Variants in TMEM266 observed in about 807,000 individuals in gnomAD.
The protein encoded by TMEM266 is transmembrane protein 266.
A neutral mutation model predicts 50.5 loss-of-function variants in TMEM266; 33 were observed. That is an observed-to-expected ratio of 0.65 (90% CI 0.50 to 0.87). TMEM266 has a LOEUF of 0.87. Among genes scored for constraint, TMEM266 ranks in the 40% least tolerant of loss-of-function variants. The pLI, the probability that TMEM266 is intolerant of heterozygous loss-of-function variation, is 0.00. For synonymous variants in TMEM266, 310 were observed against 292.3 expected, an observed-to-expected ratio of 1.06 and a Z score of -0.62; for missense variants, 655 against 695.1, an observed-to-expected ratio of 0.94 and a Z score of 0.65.
chr15:76,204,446 C>T lies in TMEM266; in HGVS notation c.*131C>T. 1.2e-6 allele frequency: 1 copy of T among 851,750 alleles called. No individual in the cohort carries two copies. The highest frequency in any genetic ancestry group is 2.1e-5 in the South Asian group (1 of 48,520). 52.8% of individuals were successfully genotyped at this position (851,750 alleles called of 1,614,324 possible). A position where few individuals can be genotyped will look rare whatever the true frequency, so the allele number is the denominator to read the frequency against. ...GCCTCCCTCAGGGTGCTGCCTGCCTCCAGGGAGGCGACGCCAGGCCAGGAG... is the reference window on the plus strand; with the variant it reads ...GCCTCCCTCAGGGTGCTGCCTGCCTTCAGGGAGGCGACGCCAGGCCAGGAG... On this transcript the variant is annotated 3_prime_UTR_variant, in exon 11 of 11. Coordinates refer to ENST00000388942, the MANE Select transcript of TMEM266 (RefSeq NM_152335.3).
At chr15:76,100,633 T>C (rs1009522018) in intron 1 of TMEM266, among the ~76,000 whole-genome samples, 1 of 152,246 alleles carries the variant, frequency 6.6e-6, no homozygotes, top group African/African-American at 2.4e-5. Flanking sequence ...TGCCAGACTG[T>C]ATCCATTTCA....
intron 9 of TMEM266, among the ~76,000 whole-genome samples, chr15:76,197,509 G>A (rs536622565): frequency 6.6e-6 from 1 of 152,190 alleles, no homozygotes; most frequent in African/African-American, 2.4e-5. Context: ...TATGTAGCTG[G>A]TCCTGTCTCA....
At chr15:76,073,792 A>G (rs1308094683) in intron 1 of TMEM266, among the ~76,000 whole-genome samples, 1 of 152,228 alleles carries the variant, frequency 6.6e-6, no homozygotes, top group Non-Finnish European at 1.5e-5. Context: ...AGAATTTTGC[A>G]AGAGCTTATT....
At chr15:76,102,992 A>T (rs960188387) in intron 1 of TMEM266, among the ~76,000 whole-genome samples, 1 of 152,068 alleles carries the variant, frequency 6.6e-6, no homozygotes, top group East Asian at 1.9e-4. Context: ...AAGCCATGGG[A>T]GGTGGTAAAC....
chr15:76,127,941 G>A (rs997446018), intron 1 of TMEM266, among the ~76,000 whole-genome samples: 5 of 152,160 alleles, frequency 3.3e-5, no homozygotes, highest in African/African-American at 9.6e-5. Flanking sequence ...TTTCATGGGC[G>A]GAGCCAGCAA....
Position 76,203,733 on chromosome 15 carries a change from C to T in TMEM266, c.1022-8C>T, listed in dbSNP as rs746517397. ...GAAGTGTGACCAAGATCCCCTCCTA[C>T]CTTGCAGACAGCGGTGTCCCAGAGC... On this transcript the variant is annotated splice_polypyrimidine_tract_variant and splice_region_variant and intron_variant, in intron 10 of 10. Transcript: ENST00000388942. The T allele has an allele frequency of 1.2e-6, 2 of 1,608,474 alleles. No homozygotes were observed. The highest frequency in any genetic ancestry group is 1.7e-6 in the Non-Finnish European group (2 of 1,176,020).
chr15:76,082,680 G>A (rs1346077908), intron 1 of TMEM266, among the ~76,000 whole-genome samples: 2 of 152,112 alleles, frequency 1.3e-5, no homozygotes, highest in Non-Finnish European at 2.9e-5. Flanking sequence ...TAAACAACCA[G>A]CTGTGTGGCT....
chr15:76,156,549 C>T (rs1450031732), intron 3 of TMEM266, 55 bp from the exon 4 acceptor site: 2 of 1,586,894 alleles, frequency 1.3e-6, no homozygotes, highest in East Asian at 2.2e-5. Flanking sequence ...CCGGGGTCCA[C>T]CCTCTTGTCC....
In TMEM266 at chr15:76,161,288, G is replaced by C. The variant is rs1006805301; in HGVS notation, c.456+1120G>C. Among the ~76,000 whole-genome samples, 2 of 152,192 alleles carry C rather than the reference G, an allele frequency of 1.3e-5. No homozygotes were observed. The highest frequency in any genetic ancestry group is 3.9e-4 in the East Asian group (2 of 5,190). On this transcript the variant is annotated intron_variant, in intron 5 of 10. Transcript: ENST00000388942. The surrounding 1 kb of genome is among the most constrained non-coding windows in gnomAD (Gnocchi z 4.1). ...ACATACGCACATCTCACACCAACGG[G>C]AGCTGCTCTACCTGAGGCACAGGGG...
At position 76,156,601 on chromosome 15, in the gene TMEM266, C is replaced by T. The variant is rs1218665692; in HGVS notation, c.228-3C>T. ...TCTCTTCTCCCCACTTTTGTCCCCA[C>T]AGGTCTAACTGGCTGAAGCCGTGCT... On this transcript the variant is annotated splice_region_variant and splice_polypyrimidine_tract_variant and intron_variant, in intron 3 of 10. Coordinates refer to ENST00000388942, the MANE Select transcript of TMEM266 (RefSeq NM_152335.3). 1 of 1,613,568 alleles carries T rather than the reference C, an allele frequency of 6.2e-7. No homozygotes were observed. The highest frequency in any genetic ancestry group is 1.1e-5 in the South Asian group (1 of 91,006).
At chr15:76,179,452 A>AG (rs1344965719) in intron 8 of TMEM266, among the ~76,000 whole-genome samples, 6 of 152,216 alleles carry the variant, frequency 3.9e-5, no homozygotes, top group South Asian at 2.1e-4. Flanking sequence ...CAGCTAGTCC[A>AG]GGGGGGCATA....
chr15:76,198,447 T>C (rs1011661981), intron 9 of TMEM266, among the ~76,000 whole-genome samples: 12 of 152,186 alleles, frequency 7.9e-5, no homozygotes, highest in Non-Finnish European at 1.8e-4. Flanking sequence ...GTGTGGCCCA[T>C]TCCCAGCCAT....
chr15:76,106,096 G>A (rs1194547466), intron 1 of TMEM266, among the ~76,000 whole-genome samples: 1 of 152,118 alleles, frequency 6.6e-6, no homozygotes, highest in Non-Finnish European at 1.5e-5. Flanking sequence ...TCACAAACAA[G>A]CCCTCTGTGT....
intron 9 of TMEM266, among the ~76,000 whole-genome samples, chr15:76,198,847 G>A (rs552410785): frequency 1.1e-5 from 1 of 87,588 alleles, no homozygotes; most frequent in South Asian, 7.2e-4. Context: ...AGCACCATTA[G>A]AGAAGTCCAG....
intron 1 of TMEM266, among the ~76,000 whole-genome samples, chr15:76,126,374 C>CATATATAAATATATATATATAT (rs2037423112): frequency 7.3e-6 from 1 of 137,810 alleles, no homozygotes; most frequent in African/African-American, 2.7e-5. Flanking sequence ...CACCCACAGA[C>CATATATAAATATATATATATAT]ATATATATAT....
At chr15:76,074,327 G>T (rs991762910) in intron 1 of TMEM266, among the ~76,000 whole-genome samples, 1 of 151,640 alleles carries the variant, frequency 6.6e-6, no homozygotes, top group Non-Finnish European at 1.5e-5. Flanking sequence ...TGTATGGTTC[G>T]GGGTGTTAAG....
chr15:76,115,026 T>G (rs575583759), intron 1 of TMEM266, among the ~76,000 whole-genome samples: 1 of 152,290 alleles, frequency 6.6e-6, no homozygotes, highest in South Asian at 2.1e-4. Flanking sequence ...ATCCCAGCAC[T>G]TTGGGAAACC....
chr15:76,103,715 C>G lies in TMEM266; in HGVS notation c.-96-30453C>G, dbSNP rs575289373. Reference sequence around the variant, plus strand: ...TCACCTGAGGTTAGGAGTTCAAGACCAGCATGACCAACATGGTGAAACCCC... The same window carrying G: ...TCACCTGAGGTTAGGAGTTCAAGACGAGCATGACCAACATGGTGAAACCCC... On this transcript the variant is annotated intron_variant, in intron 1 of 10. Coordinates refer to ENST00000388942, the MANE Select transcript of TMEM266 (RefSeq NM_152335.3). Among the ~76,000 whole-genome samples the G allele has an allele frequency of 3.0e-3, 448 of 151,752 alleles. 5 individuals carry two copies. Among genetic ancestry groups the G allele is most frequent in the African/African-American group, 0.01 (424 of 41,336 alleles).
At chr15:76,064,716 A>G (rs2036379165) in intron 1 of TMEM266, among the ~76,000 whole-genome samples, 1 of 152,234 alleles carries the variant, frequency 6.6e-6, no homozygotes, top group African/African-American at 2.4e-5. Flanking sequence ...ACAGAGGCTG[A>G]TAACTCCTAT....
Sources: gnomAD v4.1 joint callset for allele counts (sites outside exome capture counted in the v4.1 genomes callset) on GRCh38, gnomAD v4.1.1 for gene constraint, Gnocchi (gnomAD v3.1) non-coding constraint, MANE v1.5 for transcripts, NCBI Gene and HGNC (gene_info 2026-07-23, HGNC 2026-07-21) for gene names.